Variants in DLGAP2 observed in about 807,000 individuals in gnomAD.
DLGAP2 encodes disks large-associated protein 2.
A neutral mutation model predicts 100.3 loss-of-function variants in DLGAP2; 26 were observed. The ratio of observed to expected loss-of-function variants is 0.26; its 90% CI spans 0.19 to 0.36. The LOEUF (loss-of-function observed/expected upper bound fraction) is 0.36. Ranked by LOEUF, DLGAP2 falls within the 10% of genes least tolerant of loss-of-function variation. DLGAP2 has a pLI of 1.00. For synonymous variants in DLGAP2, 886 were observed against 630.1 expected, an observed-to-expected ratio of 1.41 and a Z score of -6.08; for missense variants, 1,858 against 1,453.2, an observed-to-expected ratio of 1.28 and a Z score of -4.53.
chr8:1,274,111 T>A (rs1799635770), intron 3 of DLGAP2, among the ~76,000 whole-genome samples: 1 of 152,108 alleles, frequency 6.6e-6, no homozygotes, highest in Admixed American at 6.5e-5. Flanking sequence ...AGAGTCAGAT[T>A]TTTTTACATT....
intron 3 of DLGAP2, among the ~76,000 whole-genome samples, chr8:1,433,247 C>T (rs1797510604): frequency 6.6e-6 from 1 of 152,186 alleles, no homozygotes; most frequent in Non-Finnish European, 1.5e-5. Flanking sequence ...CTTCCTGTGC[C>T]TCTGGCAACA....
intron 2 of DLGAP2, chr8:1,019,803 A>T (rs1801577869): frequency 1.3e-5 from 2 of 152,222 alleles, no homozygotes; most frequent in South Asian, 4.1e-4. Flanking sequence ...GGATTCAGGT[A>T]AAATAAACCG....
At chr8:1,617,607 T>C (rs1376909759) in intron 6 of DLGAP2, among the ~76,000 whole-genome samples, 1 of 152,232 alleles carries the variant, frequency 6.6e-6, no homozygotes, top group East Asian at 1.9e-4. Context: ...AGATGCTGGG[T>C]ATTAGACCTT....
chr8:1,439,673 GC>G (rs1192270991), intron 3 of DLGAP2, among the ~76,000 whole-genome samples: 1 of 152,110 alleles, frequency 6.6e-6, no homozygotes, highest in Non-Finnish European at 1.5e-5. Context: ...AACTGAAACG[GC>G]AACGTGAGCA....
chr8:990,109 C>G (rs1283507125), intron 2 of DLGAP2, among the ~76,000 whole-genome samples: 1 of 152,052 alleles, frequency 6.6e-6, no homozygotes. Flanking sequence ...GACTTCAGTG[C>G]TGTGTTACCT....
intron 1 of DLGAP2, among the ~76,000 whole-genome samples, chr8:781,316 T>C (rs937975477): frequency 6.6e-6 from 1 of 152,250 alleles, no homozygotes; most frequent in Non-Finnish European, 1.5e-5. Context: ...GTTAAGTTTT[T>C]TCTTACTATT....
chr8:1,563,970 T>A (rs557485462), intron 5 of DLGAP2, among the ~76,000 whole-genome samples: 1 of 152,310 alleles, frequency 6.6e-6, no homozygotes, highest in African/African-American at 2.4e-5. Context: ...ACCTTTTAAA[T>A]ATGGAAATTT....
intron 1 of DLGAP2, among the ~76,000 whole-genome samples, chr8:751,946 G>T (rs903695767): frequency 3.9e-5 from 6 of 152,144 alleles, no homozygotes; most frequent in Non-Finnish European, 5.9e-5. Context: ...TTTATAGTAA[G>T]TCCTTATAGG....
At chr8:1,225,214 A>G (rs912575302) in intron 2 of DLGAP2, among the ~76,000 whole-genome samples, 3 of 152,228 alleles carry the variant, frequency 2.0e-5, no homozygotes, top group African/African-American at 4.8e-5. Context: ...AGCACATGCC[A>G]TATGTACAGA....
At chr8:879,489 T>C (rs1291080421) in intron 1 of DLGAP2, among the ~76,000 whole-genome samples, 1 of 152,212 alleles carries the variant, frequency 6.6e-6, no homozygotes, top group African/African-American at 2.4e-5. Flanking sequence ...GAAGGCATCT[T>C]TCTGCCATCA....
chr8:1,237,436 C>T (rs1260846446), intron 2 of DLGAP2, among the ~76,000 whole-genome samples: 1 of 145,438 alleles, frequency 6.9e-6, no homozygotes, highest in African/African-American at 2.6e-5. Context: ...CTAGTTCTCT[C>T]ACATGGCGCC....
In DLGAP2 at chr8:826,689, C is replaced by A. The variant is rs73532335; in HGVS notation, c.19-81223C>A. ...GCGCCCCCTCTCGCAGCCTTCTCTG[C>A]CCGTCTGTGCTTCACTCGGTCATGC... is the stretch of plus-strand genomic sequence containing the variant. On this transcript the variant is annotated intron_variant, in intron 1 of 14. Transcript: ENST00000637795. Among the ~76,000 whole-genome samples the A allele has an allele frequency of 9.5e-3, 1,449 of 152,188 alleles. 32 individuals are homozygous for A. The highest frequency in any genetic ancestry group is 0.033 in the African/African-American group (1,390 of 41,514).
At chr8:1,524,023 T>C (rs1800706758) in intron 4 of DLGAP2, among the ~76,000 whole-genome samples, 1 of 152,176 alleles carries the variant, frequency 6.6e-6, no homozygotes, top group Admixed American at 6.5e-5. Flanking sequence ...AGCTGTGCTG[T>C]GTGTGCTTCC....
chr8:1,313,061 T>C (rs1472422549), intron 3 of DLGAP2, among the ~76,000 whole-genome samples: 1 of 152,244 alleles, frequency 6.6e-6, no homozygotes, highest in Non-Finnish European at 1.5e-5. Context: ...GGCCACTGTC[T>C]GTGCTGACTG....
intron 2 of DLGAP2, among the ~76,000 whole-genome samples, chr8:945,808 C>T (rs78281592): frequency 0.029 from 4,408 of 152,182 alleles, 226 homozygotes; most frequent in African/African-American, 0.1. Context: ...CCCTCTCTCG[C>T]TCCCTCGCTG....
In DLGAP2 at chr8:1,703,451, C is replaced by G. The variant is rs1185877735; in HGVS notation, c.*2045C>G. On this transcript the variant is annotated 3_prime_UTR_variant, in exon 15 of 15. Coordinates refer to ENST00000637795, the MANE Select transcript of DLGAP2 (RefSeq NM_001346810.2). ...TATATCCACTCTTATTATGTTAAAACAAATGTATTTGCGAGTATTGGCATT... is the reference window on the plus strand; with the variant it reads ...TATATCCACTCTTATTATGTTAAAAGAAATGTATTTGCGAGTATTGGCATT... The G allele has an allele frequency of 2.0e-5, 3 of 152,550 alleles. No individual in the cohort carries two copies. The highest frequency in any genetic ancestry group is 6.6e-5 in the Admixed American group (1 of 15,256). The allele number at this position is 152,550 out of a possible 1,614,324, so 9.4% of individuals were successfully genotyped here. A position where few individuals can be genotyped will look rare whatever the true frequency, so the allele number is the denominator to read the frequency against.
intron 2 of DLGAP2, among the ~76,000 whole-genome samples, chr8:1,099,039 T>C (rs1404194202): frequency 6.6e-6 from 1 of 152,206 alleles, no homozygotes; most frequent in East Asian, 1.9e-4. Flanking sequence ...GGGGCTAGTG[T>C]GTATTTTAGA....
At chr8:1,174,437 A>G (rs748707929) in intron 2 of DLGAP2, among the ~76,000 whole-genome samples, 32 of 151,960 alleles carry the variant, frequency 2.1e-4, no homozygotes, top group Non-Finnish European at 3.8e-4. Flanking sequence ...TACCACCATC[A>G]TTGCCATCAC....
intron 2 of DLGAP2, among the ~76,000 whole-genome samples, chr8:1,031,853 A>G (rs1376850901): frequency 6.6e-6 from 1 of 152,244 alleles, no homozygotes; most frequent in African/African-American, 2.4e-5. Flanking sequence ...AATGCTGTTT[A>G]TGTTAGAAAT....
Sources: allele counts gnomAD v4.1 joint callset (sites outside exome capture counted in the v4.1 genomes callset), GRCh38; gene constraint gnomAD v4.1.1; transcripts MANE v1.5; gene names NCBI Gene and HGNC (gene_info 2026-07-23, HGNC 2026-07-21).